The following PCDHA4 variants were observed in gnomAD, a reference collection of about 807,000 sequenced individuals.
PCDHA4 encodes protocadherin alpha 4.
Under a neutral mutation model 61.4 loss-of-function variants are expected in PCDHA4, and 49 were observed. The ratio of observed to expected loss-of-function variants is 0.80; its 90% CI spans 0.63 to 1.01. The LOEUF (loss-of-function observed/expected upper bound fraction) is 1.01, where lower values mean the gene tolerates loss of function less well. PCDHA4 is among the 50% of genes least tolerant of loss of function. PCDHA4 has a pLI of 0.00. For missense variants in PCDHA4, 1,254 were observed against 1,235.8 expected, an observed-to-expected ratio of 1.01 and a Z score of -0.22; for synonymous variants, 590 against 550.3, an observed-to-expected ratio of 1.07 and a Z score of -1.01.
At chr5:140,996,087 G>C (rs1178912945) in intron 3 of PCDHA4, among the ~76,000 whole-genome samples, 3 of 152,200 alleles carry the variant, frequency 2.0e-5, no homozygotes, top group Non-Finnish European at 4.4e-5. Flanking sequence ...GTTTTTGCTA[G>C]ATTACATGGA....
chr5:141,009,576 T>C (rs2098411921), intron 3 of PCDHA4, 51 bp from the exon 4 acceptor site: 1 of 1,583,566 alleles, frequency 6.3e-7, no homozygotes. Flanking sequence ...CAGTGTGGCA[T>C]CAAGAGCATG....
chr5:140,877,792 CCAAGCCTTCAGCT>C, intron 1 of PCDHA4: 1 of 1,614,004 alleles, frequency 6.2e-7, no homozygotes, highest in East Asian at 2.2e-5. Context: ...GGCCTTCAGC[CCAAGCCTTCAGCT>C]GTCTCGAGAA....
At chr5:141,007,328 A>G (rs1018961755) in intron 3 of PCDHA4, among the ~76,000 whole-genome samples, 1 of 149,092 alleles carries the variant, frequency 6.7e-6, no homozygotes, top group African/African-American at 2.5e-5. Context: ...AAGTGGACAG[A>G]TTGCCTGAGC....
At chr5:140,984,790 G>A (rs2097121430) in intron 3 of PCDHA4, among the ~76,000 whole-genome samples, 1 of 152,104 alleles carries the variant, frequency 6.6e-6, no homozygotes, top group Admixed American at 6.5e-5. Flanking sequence ...GGTGAGCATA[G>A]ACAAACTGCC....
At chr5:140,853,405 G>A (rs2042737613) in intron 1 of PCDHA4, 1 of 986,340 alleles carries the variant, frequency 1.0e-6, no homozygotes, top group Non-Finnish European at 1.2e-6. Flanking sequence ...GTTCAAAACA[G>A]AGAGGTGAAA....
At chr5:140,833,764 A>G (rs1310770035) in intron 1 of PCDHA4, among the ~76,000 whole-genome samples, 2 of 151,920 alleles carry the variant, frequency 1.3e-5, no homozygotes, top group African/African-American at 4.8e-5. Context: ...ACACACACAC[A>G]CACCGCTTTC....
chr5:140,857,878 G>A (rs2044977263), intron 1 of PCDHA4: 5 of 1,597,814 alleles, frequency 3.1e-6, no homozygotes, highest in East Asian at 4.5e-5. Context: ...CGTATGAATT[G>A]CAGTCGGCGG....
At position 140,808,109 on chromosome 5, in the gene PCDHA4, A is replaced by G; in HGVS notation, c.922A>G (p.Ile308Val). The G allele has an allele frequency of 6.2e-7, 1 of 1,614,014 alleles. No individual in the cohort carries two copies. Among genetic ancestry groups the G allele is most frequent in the Non-Finnish European group, 8.5e-7 (1 of 1,179,838 alleles). ...TGGACAAATTATTGTAAAGGGATATATTGACTTTGAAGAAAGCAAATCCTA... is the reference window on the plus strand; with the variant it reads ...TGGACAAATTATTGTAAAGGGATATGTTGACTTTGAAGAAAGCAAATCCTA... ...ITGQIIVKGYIDFEESKSYEI... is the reference protein window; with the variant it reads ...ITGQIIVKGYVDFEESKSYEI... Residue 308 changes from isoleucine (I) to valine (V), a missense_variant, in exon 1 of 4, where the codon ATT becomes GTT. By Grantham distance (29) the Ile-to-Val change is conservative. Transcript: ENST00000530339.
intron 1 of PCDHA4, chr5:140,843,163 T>A (rs2150354219): frequency 1.9e-6 from 3 of 1,596,072 alleles, no homozygotes; most frequent in Non-Finnish European, 2.6e-6. Context: ...TGCAGCCAGC[T>A]GCAAGCAGCC....
In PCDHA4 at chr5:141,005,428, G is replaced by T. The variant is rs907211430; in HGVS notation, c.2534-4199G>T. On this transcript the variant is annotated intron_variant, in intron 3 of 3. Transcript: ENST00000530339. ...AGAGTGAGGAGTCATGCTAAGAATG[G>T]ATGAGAGGCTCACGCCTGTAATCCC... Among the ~76,000 whole-genome samples, 21 of 152,154 alleles carry T rather than the reference G, an allele frequency of 1.4e-4. 1 individual carries two copies. The highest frequency in any genetic ancestry group is 1.2e-3 in the Admixed American group (19 of 15,266).
chr5:140,969,483 G>T (rs531496681), intron 1 of PCDHA4: 15 of 1,462,254 alleles, frequency 1.0e-5, no homozygotes, highest in Non-Finnish European at 1.3e-5. Context: ...ATCATAATCT[G>T]CTATTTCCTC....
At chr5:140,883,570 G>T (rs1554178743) in intron 1 of PCDHA4, 1 of 1,614,098 alleles carries the variant, frequency 6.2e-7, no homozygotes, top group South Asian at 1.1e-5. Context: ...GCTCGCCTTC[G>T]CTGTGGGCCA....
At chr5:140,968,419 T>C (rs372766707) in intron 1 of PCDHA4, 37 of 1,613,898 alleles carry the variant, frequency 2.3e-5, no homozygotes, top group Non-Finnish European at 3.0e-5. Context: ...CTGTGGAGGC[T>C]CAGGACAAGG....
chr5:140,855,670 T>G (rs1581372681), intron 1 of PCDHA4, among the ~76,000 whole-genome samples: 2 of 149,924 alleles, frequency 1.3e-5, no homozygotes, highest in African/African-American at 4.9e-5. Context: ...ATCACTACTC[T>G]GAGAGTCTAC....
At chr5:140,829,795 T>C (rs1166069883) in intron 1 of PCDHA4, 11 of 1,613,604 alleles carry the variant, frequency 6.8e-6, no homozygotes, top group Non-Finnish European at 9.3e-6. Flanking sequence ...TGCTGGCGCC[T>C]CGGGTGGGTG....
intron 1 of PCDHA4, among the ~76,000 whole-genome samples, chr5:140,911,064 T>C (rs2153516956): frequency 6.6e-6 from 1 of 152,226 alleles, no homozygotes; most frequent in African/African-American, 2.4e-5. Flanking sequence ...GGGTGGGTCC[T>C]GAGGAGAATC....
rs782531082 is a variant in PCDHA4 at position 140,877,160 on chromosome 5, C to T, written c.2385+67588C>T. The T allele has an allele frequency of 4.0e-5, 64 of 1,613,696 alleles. 1 individual carries two copies. In the Admixed American group the frequency reaches 1.0e-3, roughly 26 times the overall value. The stretch of plus-strand genomic sequence containing the variant: ...GTGCTGGACGAGAACGACAACGCGC[C>T]GGCACTGCTGGCGACTCCGGCTGGC... On this transcript the variant is annotated intron_variant, in intron 1 of 3. Transcript: ENST00000530339.
chr5:140,982,609 G>A, intron 3 of PCDHA4, 46 bp downstream of exon 3: 1 of 1,600,864 alleles, frequency 6.2e-7, no homozygotes, highest in East Asian at 2.2e-5. Context: ...TCTGGAAAGT[G>A]ATCAGATGAC....
At chr5:140,884,321 G>A in intron 1 of PCDHA4, 1 of 1,613,854 alleles carries the variant, frequency 6.2e-7, no homozygotes, top group Non-Finnish European at 8.5e-7. Context: ...GGCGTCGGCA[G>A]GCGCTGTGGG....
Sources: gnomAD v4.1 joint callset for allele counts (sites outside exome capture counted in the v4.1 genomes callset) on GRCh38, gnomAD v4.1.1 for gene constraint, MANE v1.5 for transcripts, NCBI Gene and HGNC (gene_info 2026-07-23, HGNC 2026-07-21) for gene names.